IL24: variants seen among roughly 807,000 people sequenced by gnomAD.
IL24 encodes interleukin-24.
Under a neutral mutation model 27.6 loss-of-function variants are expected in IL24, and 24 were observed. That is an observed-to-expected ratio of 0.87 (90% CI 0.63 to 1.22). IL24 has a LOEUF of 1.22. Among genes scored for constraint, IL24 ranks in the 50% most tolerant of loss-of-function variants. The probability of loss-of-function intolerance (pLI) is 0.00; values close to 1 mark genes in which losing one functional copy is unlikely to be tolerated. For synonymous variants in IL24, 99 were observed against 93.1 expected (o/e 1.06, Z -0.36); for missense variants, 240 against 237.0 (o/e 1.01, Z -0.08).
rs763245369 is a variant in IL24 at position 206,900,376 on chromosome 1, C to T, written c.303+19C>T. 5.0e-6 allele frequency: 8 copies of T among 1,612,182 alleles called. No individual in the cohort carries two copies. Among genetic ancestry groups the T allele is most frequent in the East Asian group, 4.5e-5 (2 of 44,886 alleles). On this transcript the variant is annotated intron_variant, in intron 4 of 6. Coordinates refer to ENST00000294984, the MANE Select transcript of IL24 (RefSeq NM_006850.3). Reference sequence around the variant, plus strand: ...CGTCTCGGTAATCAGACCTCGGGGACACCACCCTCTGTGGGACGGGTCTAC... The same window carrying T: ...CGTCTCGGTAATCAGACCTCGGGGATACCACCCTCTGTGGGACGGGTCTAC...
Position 206,903,095 on chromosome 1 carries a change from G to GT in IL24, c.*39dup, listed in dbSNP as rs1558642693. On this transcript the variant is annotated 3_prime_UTR_variant, in exon 7 of 7. Transcript: ENST00000294984. ...CAGGACCTCCCTCCCCCTGGCACTG[G>GT]TTTGTTCCCTGTGTCATTTCAAACA... The GT allele has an allele frequency of 6.4e-7, 1 of 1,553,800 alleles. No individual in the cohort carries two copies. The highest frequency in any genetic ancestry group is 8.9e-7 in the Non-Finnish European group (1 of 1,125,104).
intron 4 of IL24, 39 bp from the exon 5 acceptor site, chr1:206,901,455 C>A (rs747812352): frequency 6.3e-7 from 1 of 1,580,854 alleles, no homozygotes; most frequent in Non-Finnish European, 8.6e-7. Context: ...TCAGGGTGGG[C>A]AGAGGCCTTG....
intron 4 of IL24, 34 bp downstream of exon 4, chr1:206,900,391 G>A (rs1309779395): frequency 1.2e-6 from 2 of 1,601,158 alleles, no homozygotes; most frequent in African/African-American, 2.7e-5. Flanking sequence ...CCCTCTGTGG[G>A]ACGGGTCTAC....
At chr1:206,898,564 A>G (rs962698296) in intron 2 of IL24, among the ~76,000 whole-genome samples, 6 of 152,158 alleles carry the variant, frequency 3.9e-5, no homozygotes, top group Admixed American at 1.3e-4. Context: ...ATCAGTTATA[A>G]TAAATACATA....
chr1:206,899,467 T>G lies in IL24; in HGVS notation c.192T>G (p.Val64=), dbSNP rs1452813491. The G allele has an allele frequency of 6.2e-7, 1 of 1,613,354 alleles. No individual in the cohort carries two copies. The highest frequency in any genetic ancestry group is 1.7e-5 in the Admixed American group (1 of 59,898). ...TTGGGCCCTGCCAAGTGAAGGGGGT[T>G]GTTCCCCAGAAACTGTGGGAAGCCT... is the stretch of plus-strand genomic sequence containing the variant. The part of the protein sequence containing the change: ...FHFGPCQVKG[V]VPQKLWEAFW... The change falls in exon 3 of 7, where the codon GTT becomes GTG. Residue 64 remains valine (V), a synonymous_variant. Transcript: ENST00000294984.
intron 4 of IL24, 82 bp from the exon 5 acceptor site, chr1:206,901,412 C>T (rs1678371786): frequency 1.4e-5 from 21 of 1,470,070 alleles, no homozygotes; most frequent in Non-Finnish European, 1.9e-5. Context: ...CTTATCTTGC[C>T]TTGGGTGGCA....
intron 4 of IL24, among the ~76,000 whole-genome samples, chr1:206,900,690 T>C (rs1237254835): frequency 6.6e-6 from 1 of 152,132 alleles, no homozygotes; most frequent in East Asian, 1.9e-4. Flanking sequence ...CATCCTTTTC[T>C]CTGGGTCCTT....
chr1:206,900,186 T>A lies in IL24; in HGVS notation c.241-109T>A, dbSNP rs114638500. ...CTTTTGGTCCCTCTGGCCTTTGAGATCTCACAGACTAGATAGATTTAGGGG... is the reference window on the plus strand; with the variant it reads ...CTTTTGGTCCCTCTGGCCTTTGAGAACTCACAGACTAGATAGATTTAGGGG... On this transcript the variant is annotated intron_variant, in intron 3 of 6. Coordinates refer to ENST00000294984, the MANE Select transcript of IL24 (RefSeq NM_006850.3). 5.0e-4 allele frequency: 503 copies of A among 1,006,978 alleles called. No homozygotes were observed. The African/African-American group carries it at 6.8e-3, about 14-fold the overall frequency. The allele number at this position is 1,006,978 out of a possible 1,614,324, so 62.4% of individuals were successfully genotyped here.
At chr1:206,898,014 G>A (rs941444181) in intron 2 of IL24, 138 bp downstream of exon 2, 5 of 524,308 alleles carry the variant, frequency 9.5e-6, no homozygotes, top group Non-Finnish European at 1.7e-5. Flanking sequence ...AAAATTAGTT[G>A]GGCATGTGTT....
At chr1:206,902,213 G>A in intron 6 of IL24, 141 bp downstream of exon 6, 1 of 1,407,692 alleles carries the variant, frequency 7.1e-7, no homozygotes, top group Non-Finnish European at 9.2e-7. Context: ...TGACTTAGCA[G>A]GAGCACAGTT....
At position 206,897,874 on chromosome 1, in the gene IL24, C is replaced by T. The variant is rs1307494703; in HGVS notation, c.42C>T (p.Ala14=). 6.3e-7 allele frequency: 1 copy of T among 1,599,110 alleles called. No homozygotes were observed. The highest frequency in any genetic ancestry group is 8.5e-7 in the Non-Finnish European group (1 of 1,173,224). ...QQRLQSLWTL[A]RPFCPPLLAT... is the part of the protein sequence containing the mutation. ...GGCTGCAAAGCCTGTGGACTTTAGC[C>T]AGGTGCGGTGGCTCACACCTGTAAT... Residue 14 remains alanine, a splice_region_variant and synonymous_variant, in exon 2 of 7, where the codon GCC becomes GCT. Transcript: ENST00000294984.
At chr1:206,897,640 C>CT (rs1192971479) in intron 1 of IL24, 25 bp downstream of exon 1, 60 of 471,104 alleles carry the variant, frequency 1.3e-4, no homozygotes, top group Admixed American at 2.7e-4. Flanking sequence ...TTCTTGGTTA[C>CT]TTTTTTTTGA....
At chr1:206,901,280 C>G (rs145788862) in intron 4 of IL24, among the ~76,000 whole-genome samples, 1 of 152,258 alleles carries the variant, frequency 6.6e-6, no homozygotes, top group Non-Finnish European at 1.5e-5. Context: ...CGGGCCAGGT[C>G]ATTTCTCTCC....
At chr1:206,898,124 G>A (rs1198931520) in intron 2 of IL24, among the ~76,000 whole-genome samples, 1 of 144,966 alleles carries the variant, frequency 6.9e-6, no homozygotes, top group Non-Finnish European at 1.5e-5. Context: ...CCGAGATCAT[G>A]CCACTGCACT....
Position 206,901,993 on chromosome 1 carries a change from T to G in IL24, c.463-5T>G, listed in dbSNP as rs376493626. ...TGGCACAACTTCTTTTCCCATGTTA[T>G]GTAGCAAGAAAATGAGATGTTTTCC... On this transcript the variant is annotated splice_polypyrimidine_tract_variant and splice_region_variant and intron_variant, in intron 5 of 6. Transcript: ENST00000294984. The G allele has an allele frequency of 1.7e-5, 28 of 1,614,000 alleles. No individual in the cohort carries two copies. Among genetic ancestry groups the G allele is most frequent in the Non-Finnish European group, 2.4e-5 (28 of 1,179,922 alleles).
chr1:206,903,058 G>C lies in IL24; in HGVS notation c.620G>C (p.Ter207SerextTer52). The change falls in exon 7 of 7, where the codon TGA becomes TCA. Residue 207 changes from the stop codon to serine, a stop_lost. Transcript: ENST00000294984. ...LTWMQKFYKL[*>S] ...TGGATGCAGAAATTCTACAAGCTCT[G>C]AATGTCTAGACCAGGACCTCCCTCC... 6.2e-7 allele frequency: 1 copy of C among 1,613,196 alleles called. No individual in the cohort carries two copies. The highest frequency in any genetic ancestry group is 1.1e-5 in the South Asian group (1 of 91,048).
chr1:206,902,407 C>G, intron 6 of IL24: 1 of 357,908 alleles, frequency 2.8e-6, no homozygotes, highest in Non-Finnish European at 3.8e-6. Flanking sequence ...CACCCCCACC[C>G]CCACCCCATA....
At position 206,904,057 on chromosome 1, in the gene IL24, A is replaced by G. The variant is rs533222393; in HGVS notation, c.*998A>G. 2.0e-5 allele frequency: 3 copies of G among 152,470 alleles called. No homozygotes were observed. The highest frequency in any genetic ancestry group is 3.8e-4 in the East Asian group (2 of 5,320). 9.4% of individuals were successfully genotyped at this position (152,470 alleles called of 1,614,324 possible). On this transcript the variant is annotated 3_prime_UTR_variant, in exon 7 of 7. Transcript: ENST00000294984. ...TGTTCCAAAAACCTAGGCAAAGAGT[A>G]TATGTAGGAGGTGGGATATCACTTC...
rs1678219784 is a variant in IL24, at chr1:206,897,870, T to C, written c.38T>C (p.Leu13Ser). The C allele has an allele frequency of 6.2e-7, 1 of 1,602,836 alleles. No homozygotes were observed. The highest frequency in any genetic ancestry group is 8.5e-7 in the Non-Finnish European group (1 of 1,175,308). The change falls in exon 2 of 7, where the codon TTA (leucine) becomes TCA (serine). Residue 13 changes from leucine (L) to serine (S), a missense_variant. Transcript: ENST00000294984. The part of the protein sequence containing the change: ...FQQRLQSLWT[L>S]ARPFCPPLLA... ...CAGAGGCTGCAAAGCCTGTGGACTT[T>C]AGCCAGGTGCGGTGGCTCACACCTG... is the stretch of plus-strand genomic sequence containing the variant.
Sources: allele counts gnomAD v4.1 joint callset (sites outside exome capture counted in the v4.1 genomes callset), GRCh38; gene constraint gnomAD v4.1.1; transcripts MANE v1.5; gene names NCBI Gene and HGNC (gene_info 2026-07-23, HGNC 2026-07-21).